The following CTNNA3 variants were observed in gnomAD, a reference collection of about 807,000 sequenced individuals.
The protein encoded by CTNNA3 is catenin alpha-3.
A neutral mutation model predicts 95.7 loss-of-function variants in CTNNA3; 76 were observed. The ratio of observed to expected loss-of-function variants is 0.79; its 90% CI spans 0.66 to 0.96. The LOEUF is 0.96. Among genes scored for constraint, CTNNA3 ranks in the 40% least tolerant of loss-of-function variants. The pLI is 0.00. For synonymous variants in CTNNA3, 431 were observed against 374.4 expected, an observed-to-expected ratio of 1.15 and a Z score of -1.74; for missense variants, 1,191 against 1,089.8, an observed-to-expected ratio of 1.09 and a Z score of -1.31.
intron 2 of CTNNA3, among the ~76,000 whole-genome samples, chr10:67,620,903 A>ATGTGTGTG (rs1244995621): frequency 7.9e-6 from 1 of 126,360 alleles, no homozygotes; most frequent in African/African-American, 3.3e-5. Flanking sequence ...ATATATGTAT[A>ATGTGTGTG]TGTGTGTGTG....
At chr10:66,541,682 A>T (rs1841856840) in intron 10 of CTNNA3, among the ~76,000 whole-genome samples, 1 of 152,124 alleles carries the variant, frequency 6.6e-6, no homozygotes, top group Non-Finnish European at 1.5e-5. Context: ...CAAAGTCAAA[A>T]TTTATTTTTT....
At chr10:66,384,658 G>T (rs549285162) in intron 11 of CTNNA3, among the ~76,000 whole-genome samples, 1 of 151,916 alleles carries the variant, frequency 6.6e-6, no homozygotes, top group African/African-American at 2.4e-5. Flanking sequence ...TCACCACATC[G>T]CATTTATTCT....
intron 16 of CTNNA3, among the ~76,000 whole-genome samples, chr10:65,967,852 T>A (rs563614250): frequency 9.8e-5 from 15 of 152,294 alleles, no homozygotes; most frequent in Admixed American, 8.5e-4. Context: ...AACAAGGAAA[T>A]GTGGACAGTG....
intron 7 of CTNNA3, among the ~76,000 whole-genome samples, chr10:66,939,408 A>T (rs1048364303): frequency 6.6e-6 from 1 of 152,216 alleles, no homozygotes; most frequent in African/African-American, 2.4e-5. Flanking sequence ...CTGAGTTAAA[A>T]GGAAAATACT....
At chr10:66,517,150 A>C (rs1484868976) in intron 11 of CTNNA3, among the ~76,000 whole-genome samples, 1 of 151,906 alleles carries the variant, frequency 6.6e-6, no homozygotes, top group African/African-American at 2.4e-5. Flanking sequence ...TGAATCCGGG[A>C]GGTGGAGTTG....
intron 7 of CTNNA3, among the ~76,000 whole-genome samples, chr10:66,969,581 A>G (rs1443819903): frequency 6.6e-6 from 1 of 152,066 alleles, no homozygotes; most frequent in Middle Eastern, 3.2e-3. Context: ...CCATAACACC[A>G]CACTGTTTTC....
chr10:66,022,417 A>G (rs1257824368), intron 15 of CTNNA3, among the ~76,000 whole-genome samples: 2 of 152,194 alleles, frequency 1.3e-5, no homozygotes, highest in Non-Finnish European at 2.9e-5. Context: ...AATTCCATTC[A>G]TGATTCTCTT....
rs115943386 is a variant in CTNNA3 at position 66,513,263 on chromosome 10, T to C, written c.1531+7354A>G. 5.6e-3 allele frequency among the ~76,000 whole-genome samples: 849 copies of C among 152,330 alleles called. 9 individuals are homozygous for C. The highest frequency in any genetic ancestry group is 0.019 in the African/African-American group (798 of 41,566). ...GATCTGTCTTCAAGATCACAAATTATTTCTTTTGCTTTATCTAGTCTATTG... is the reference window on the plus strand; with the variant it reads ...GATCTGTCTTCAAGATCACAAATTACTTCTTTTGCTTTATCTAGTCTATTG... On this transcript the variant is annotated intron_variant, in intron 11 of 17. Transcript: ENST00000433211.
chr10:66,665,161 C>T (rs185594577), intron 9 of CTNNA3, among the ~76,000 whole-genome samples: 52 of 152,264 alleles, frequency 3.4e-4, no homozygotes, highest in African/African-American at 1.2e-3. Flanking sequence ...CTCCCAGCTT[C>T]CCCAATTTCT....
chr10:66,994,242 AGAAG>A (rs1202396172), intron 7 of CTNNA3, among the ~76,000 whole-genome samples: 1 of 152,208 alleles, frequency 6.6e-6, no homozygotes, highest in Non-Finnish European at 1.5e-5. Context: ...ATGAAAAGAA[AGAAG>A]GAAGAAAGGA....
chr10:66,147,600 T>C (rs952189067), intron 13 of CTNNA3, among the ~76,000 whole-genome samples: 2 of 140,120 alleles, frequency 1.4e-5, no homozygotes, highest in African/African-American at 2.7e-5. Context: ...ACACTCAGGT[T>C]GCTTTCAGTT....
At chr10:66,462,790 C>T (rs1449147515) in intron 11 of CTNNA3, among the ~76,000 whole-genome samples, 2 of 152,034 alleles carry the variant, frequency 1.3e-5, no homozygotes, top group African/African-American at 2.4e-5. Context: ...ATCAAGGTAT[C>T]ACATAACTTG....
chr10:66,330,477 A>G (rs1356020306), intron 12 of CTNNA3, among the ~76,000 whole-genome samples: 1 of 152,008 alleles, frequency 6.6e-6, no homozygotes, highest in African/African-American at 2.4e-5. Context: ...TCATTGTTGG[A>G]CATTTGGGTT....
intron 12 of CTNNA3, among the ~76,000 whole-genome samples, chr10:66,346,430 C>T (rs545388517): frequency 7.7e-4 from 117 of 151,710 alleles, no homozygotes; most frequent in African/African-American, 2.7e-3. Context: ...ACACATGCAC[C>T]ACCATGCTCG....
chr10:66,034,724 T>A (rs2079525848), intron 15 of CTNNA3, among the ~76,000 whole-genome samples: 2 of 152,138 alleles, frequency 1.3e-5, no homozygotes, highest in Admixed American at 1.3e-4. Context: ...GGCCTAGACA[T>A]TAGCTACCTG....
intron 10 of CTNNA3, among the ~76,000 whole-genome samples, chr10:66,593,860 C>T (rs541802002): frequency 2.0e-5 from 3 of 152,136 alleles, no homozygotes; most frequent in African/African-American, 7.2e-5. Flanking sequence ...TAGATTACTC[C>T]TTCCCTGATA....
chr10:66,158,581 T>C (rs1015108711), intron 13 of CTNNA3, among the ~76,000 whole-genome samples: 1 of 152,184 alleles, frequency 6.6e-6, no homozygotes, highest in African/African-American at 2.4e-5. Context: ...TCAGGTAATG[T>C]GAAGCCTCCA....
chr10:67,348,438 C>G (rs1406261101), intron 5 of CTNNA3, among the ~76,000 whole-genome samples: 3 of 152,074 alleles, frequency 2.0e-5, no homozygotes, highest in Non-Finnish European at 4.4e-5. Context: ...ATACCTGAGA[C>G]AGGGTAATTT....
At chr10:66,992,045 T>C (rs1851069835) in intron 7 of CTNNA3, among the ~76,000 whole-genome samples, 1 of 152,166 alleles carries the variant, frequency 6.6e-6, no homozygotes, top group South Asian at 2.1e-4. Flanking sequence ...TGTCTCTTTG[T>C]GAACGTCAAC....
Sources: allele counts gnomAD v4.1 joint callset (sites outside exome capture counted in the v4.1 genomes callset), GRCh38; gene constraint gnomAD v4.1.1; transcripts MANE v1.5; gene names NCBI Gene and HGNC (gene_info 2026-07-23, HGNC 2026-07-21).